Variants in CCDC149 observed in about 807,000 individuals in gnomAD.
CCDC149 encodes coiled-coil domain containing 149.
In CCDC149, 45 loss-of-function variants were observed where a neutral mutation model predicts 59.9. The observed-to-expected ratio is 0.75, with a 90% confidence interval of 0.59 to 0.96. CCDC149 has a LOEUF of 0.96. Ranked by LOEUF, CCDC149 falls within the 40% of genes least tolerant of loss-of-function variation. The pLI, the probability that CCDC149 is intolerant of heterozygous loss-of-function variation, is 0.00. For synonymous variants in CCDC149, 245 were observed against 260.6 expected (o/e 0.94, Z 0.58); for missense variants, 584 against 664.7 (o/e 0.88, Z 1.33).
chr4:24,819,464 G>T (rs1159813458), intron 12 of CCDC149, among the ~76,000 whole-genome samples: 1 of 152,162 alleles, frequency 6.6e-6, no homozygotes, highest in Non-Finnish European at 1.5e-5. Context: ...GGGACTACAG[G>T]CACGCCCCAC....
intron 1 of CCDC149, among the ~76,000 whole-genome samples, chr4:24,973,999 G>A (rs187352017): frequency 6.6e-6 from 1 of 152,364 alleles, no homozygotes. Flanking sequence ...CAAGAGTCAC[G>A]GTCAGTTGCG....
chr4:24,836,521 AC>A lies in CCDC149; in HGVS notation c.663-14del. On this transcript the variant is annotated splice_polypyrimidine_tract_variant and intron_variant, in intron 6 of 12. Transcript: ENST00000635206. ...CTCTTGAAGGTACCTGAAAAAGAAT[AC>A]ATAAAACTAGGAGGTGTTTAAGGGC... The A allele has an allele frequency of 6.3e-7, 1 of 1,575,668 alleles. No homozygotes were observed. The highest frequency in any genetic ancestry group is 8.7e-7 in the Non-Finnish European group (1 of 1,146,112).
intron 1 of CCDC149, among the ~76,000 whole-genome samples, chr4:24,904,992 C>T (rs559990131): frequency 1.3e-5 from 2 of 152,232 alleles, no homozygotes; most frequent in African/African-American, 4.8e-5. Context: ...ACCTCCGCCT[C>T]CCAGGTTCAA....
At chr4:24,848,678 T>C (rs1168458920) in intron 4 of CCDC149, among the ~76,000 whole-genome samples, 1 of 152,040 alleles carries the variant, frequency 6.6e-6, no homozygotes, top group Non-Finnish European at 1.5e-5. Flanking sequence ...CTGCTTCTTT[T>C]AAGTGAAAAG....
chr4:24,839,028 T>TCTCA (rs1360482951), intron 4 of CCDC149, among the ~76,000 whole-genome samples: 14 of 132,114 alleles, frequency 1.1e-4, no homozygotes, highest in Non-Finnish European at 1.4e-4. Flanking sequence ...TCTCTCTCTC[T>TCTCA]CACACACACA....
At chr4:24,949,049 T>A (rs980058649) in intron 1 of CCDC149, among the ~76,000 whole-genome samples, 1 of 152,178 alleles carries the variant, frequency 6.6e-6, no homozygotes, top group Non-Finnish European at 1.5e-5. Flanking sequence ...TGGTATGTCT[T>A]TATCAGCAGT....
At chr4:24,843,779 C>T (rs938459025) in intron 4 of CCDC149, among the ~76,000 whole-genome samples, 1 of 152,122 alleles carries the variant, frequency 6.6e-6, no homozygotes, top group Admixed American at 6.5e-5. Context: ...TGACAGATAC[C>T]CCCAAGTGGC....
chr4:24,903,251 T>C (rs1382180744), intron 1 of CCDC149, among the ~76,000 whole-genome samples: 4 of 151,976 alleles, frequency 2.6e-5, no homozygotes, highest in Non-Finnish European at 4.4e-5. Context: ...CTCCTGAAGA[T>C]ATAAGGGCAC....
intron 3 of CCDC149, among the ~76,000 whole-genome samples, chr4:24,870,340 T>G (rs1718962413): frequency 6.6e-6 from 1 of 152,190 alleles, no homozygotes; most frequent in Non-Finnish European, 1.5e-5. Context: ...CCATAAACCA[T>G]CAAGTACTTA....
intron 1 of CCDC149, among the ~76,000 whole-genome samples, chr4:24,933,711 T>C (rs1722659377): frequency 1.3e-5 from 2 of 152,194 alleles, no homozygotes; most frequent in African/African-American, 2.4e-5. Context: ...TAATTTCTTA[T>C]TGAGATAATT....
At chr4:24,915,368 A>G (rs1169385041), upstream of CCDC149, among the ~76,000 whole-genome samples, 1 of 152,218 alleles carries the variant, frequency 6.6e-6, no homozygotes, top group East Asian at 1.9e-4. Context: ...CTCTGCCTGC[A>G]TTCAGGTGGG....
intron 1 of CCDC149, among the ~76,000 whole-genome samples, chr4:24,878,519 G>A (rs2109253661): frequency 6.6e-6 from 1 of 152,266 alleles, no homozygotes; most frequent in South Asian, 2.1e-4. Context: ...GTCCTCAGGG[G>A]CGTATTGAGA....
At position 24,853,209 on chromosome 4, in the gene CCDC149, A is replaced by G. The variant is rs1441494702; in HGVS notation, c.265-30T>C. Reference sequence around the variant, plus strand: ...AAATATCAACACATTATGAAATACAATCAGAAATGGAGGAGTGGATGAATG... The same window carrying G: ...AAATATCAACACATTATGAAATACAGTCAGAAATGGAGGAGTGGATGAATG... On this transcript the variant is annotated intron_variant, in intron 3 of 12. Coordinates refer to ENST00000635206, the MANE Select transcript of CCDC149 (RefSeq NM_001330643.2). The G allele has an allele frequency of 1.1e-5, 16 of 1,505,592 alleles. No homozygotes were observed. The South Asian group carries it at 1.8e-4, about 17-fold the overall frequency. The allele number at this position is 1,505,592 out of a possible 1,614,324, so 93.3% of individuals were successfully genotyped here.
At chr4:24,955,761 G>A (rs958031190) in intron 1 of CCDC149, among the ~76,000 whole-genome samples, 1 of 152,148 alleles carries the variant, frequency 6.6e-6, no homozygotes, top group African/African-American at 2.4e-5. Flanking sequence ...TGGTAATAGA[G>A]TTTCAGTTTT....
chr4:24,965,773 T>A (rs1478207374), intron 1 of CCDC149, among the ~76,000 whole-genome samples: 20 of 152,290 alleles, frequency 1.3e-4, no homozygotes, highest in Admixed American at 1.3e-3. Flanking sequence ...CAGGACTACC[T>A]CCCTGAAAAG....
At chr4:24,886,275 A>AT (rs1330674265) in intron 1 of CCDC149, among the ~76,000 whole-genome samples, 3 of 152,236 alleles carry the variant, frequency 2.0e-5, no homozygotes, top group Non-Finnish European at 2.9e-5. Flanking sequence ...AATCTGGGCA[A>AT]TGGAGATAGG....
At chr4:24,962,746 G>T (rs527574777) in intron 1 of CCDC149, among the ~76,000 whole-genome samples, 7 of 151,984 alleles carry the variant, frequency 4.6e-5, no homozygotes. Flanking sequence ...GGTGGGAGGA[G>T]GGGGGAGGGA....
At chr4:24,958,080 A>AAC (rs1242653336) in intron 1 of CCDC149, among the ~76,000 whole-genome samples, 3 of 152,182 alleles carry the variant, frequency 2.0e-5, no homozygotes, top group Non-Finnish European at 4.4e-5. Flanking sequence ...AGGTTCATGA[A>AAC]TGAAGTAGTC....
intron 1 of CCDC149, among the ~76,000 whole-genome samples, chr4:24,966,649 GGTAAGCA>G (rs1250301979): frequency 5.3e-5 from 8 of 152,214 alleles, no homozygotes; most frequent in Admixed American, 2.0e-4. Flanking sequence ...AGAGAAAATC[GGTAAGCA>G]GTTCAATGAA....
Sources: allele counts gnomAD v4.1 joint callset (sites outside exome capture counted in the v4.1 genomes callset), GRCh38; gene constraint gnomAD v4.1.1; transcripts MANE v1.5; gene names NCBI Gene and HGNC (gene_info 2026-07-23, HGNC 2026-07-21).